SEMA3D: variants seen among roughly 807,000 people sequenced by gnomAD.
SEMA3D encodes semaphorin 3D, also known as semaphorin-3D.
A neutral mutation model predicts 100.1 loss-of-function variants in SEMA3D; 84 were observed. The ratio of observed to expected loss-of-function variants is 0.84; its 90% CI spans 0.70 to 1.01. SEMA3D has a LOEUF of 1.01. Among genes scored for constraint, SEMA3D ranks in the 50% least tolerant of loss-of-function variants. The probability of loss-of-function intolerance (pLI) is 0.00; values close to 1 mark genes in which losing one functional copy is unlikely to be tolerated. For synonymous variants in SEMA3D, 312 were observed against 320.7 expected (o/e 0.97, Z 0.29); for missense variants, 875 against 934.1 (o/e 0.94, Z 0.82).
Position 85,065,537 on chromosome 7 carries a change from G to C in SEMA3D, c.605C>G (p.Ser202Cys), listed in dbSNP as rs1331193545. Residue 202 changes from serine to cysteine, a missense_variant, in exon 8 of 19, where the codon TCT becomes TGT. Ser to Cys is a moderately radical substitution (Grantham distance 112, BLOSUM62 -1). Transcript: ENST00000284136. ...ASVMTDEYLY[S>C]GTASDFLGKD... Reference sequence around the variant, plus strand: ...GCCAAGGAAATCAGAAGCTGTTCCAGAGTAGAGGTACTCATCTGAGAGGGA... The same window carrying C: ...GCCAAGGAAATCAGAAGCTGTTCCACAGTAGAGGTACTCATCTGAGAGGGA... 2 of 1,613,074 alleles carry C rather than the reference G, an allele frequency of 1.2e-6. No individual in the cohort carries two copies.
At chr7:85,088,931 T>C (rs1313292378) in intron 4 of SEMA3D, among the ~76,000 whole-genome samples, 1 of 152,210 alleles carries the variant, frequency 6.6e-6, no homozygotes, top group East Asian at 1.9e-4. Context: ...GCTTGCATTT[T>C]AGCTTTCTTC....
chr7:85,205,728 C>T, the SEMA3D span, among the ~76,000 whole-genome samples: 1 of 152,124 alleles, frequency 6.6e-6, no homozygotes, highest in African/African-American at 2.4e-5. Flanking sequence ...GTGATGTCTT[C>T]AGCTTCTTCT....
chr7:85,160,070 T>A (rs1182649074), intron 1 of SEMA3D: 2 of 926,406 alleles, frequency 2.2e-6, no homozygotes, highest in East Asian at 1.2e-4. Flanking sequence ...ACAGTAATAC[T>A]GAAAATAATA....
chr7:85,026,717 G>A (rs1030221309), intron 12 of SEMA3D, among the ~76,000 whole-genome samples: 6 of 152,062 alleles, frequency 3.9e-5, no homozygotes, highest in Admixed American at 3.9e-4. Flanking sequence ...AATGGGATCA[G>A]CATAGTTTAC....
chr7:85,055,324 G>T (rs911846573), intron 9 of SEMA3D, among the ~76,000 whole-genome samples: 1 of 151,742 alleles, frequency 6.6e-6, no homozygotes, highest in Non-Finnish European at 1.5e-5. Flanking sequence ...TAAGCTCCAG[G>T]GATCAGGACA....
At chr7:85,206,598 C>T in the SEMA3D span, among the ~76,000 whole-genome samples, 1 of 152,120 alleles carries the variant, frequency 6.6e-6, no homozygotes, top group Non-Finnish European at 1.5e-5. Flanking sequence ...TTTAAAATTT[C>T]AACCAGTTAC....
At chr7:85,132,880 T>C (rs917661097) in intron 2 of SEMA3D, among the ~76,000 whole-genome samples, 6 of 152,092 alleles carry the variant, frequency 3.9e-5, no homozygotes, top group South Asian at 2.1e-4. Context: ...GCTTCTATCA[T>C]TAATGCTGAA....
intron 17 of SEMA3D, among the ~76,000 whole-genome samples, chr7:85,008,533 A>C (rs977776197): frequency 1.3e-5 from 2 of 151,842 alleles, no homozygotes; most frequent in African/African-American, 4.8e-5. Context: ...ACATACACAC[A>C]CACATACACA....
chr7:85,072,155 G>C (rs917278772), intron 6 of SEMA3D, among the ~76,000 whole-genome samples: 1 of 152,112 alleles, frequency 6.6e-6, no homozygotes, highest in Non-Finnish European at 1.5e-5. Flanking sequence ...ATAACACAAG[G>C]ACAGTAAACT....
chr7:85,185,423 C>T (rs1446951536), intron 1 of SEMA3D, among the ~76,000 whole-genome samples: 1 of 152,160 alleles, frequency 6.6e-6, no homozygotes, highest in Admixed American at 6.5e-5. Context: ...GGTCTTCTCC[C>T]CTCTTCTTTT....
intron 4 of SEMA3D, among the ~76,000 whole-genome samples, chr7:85,092,863 G>C (rs1788438033): frequency 6.6e-6 from 1 of 151,962 alleles, no homozygotes; most frequent in South Asian, 2.1e-4. Context: ...GAAAACTTTT[G>C]CAGAGGCAAA....
chr7:85,170,661 T>C (rs1562843708), intron 1 of SEMA3D, among the ~76,000 whole-genome samples: 2 of 151,996 alleles, frequency 1.3e-5, no homozygotes, highest in Admixed American at 6.6e-5. Flanking sequence ...ACCATTGCAA[T>C]AGTCTAGCCC....
intron 7 of SEMA3D, among the ~76,000 whole-genome samples, chr7:85,066,460 A>G (rs1161601870): frequency 6.6e-6 from 1 of 151,270 alleles, no homozygotes; most frequent in Non-Finnish European, 1.5e-5. Context: ...AGGGAAGGAG[A>G]AGAAGGCAGC....
rs75835536 is a variant in SEMA3D at position 85,142,294 on chromosome 7, T to C, written c.-41+11314A>G. On this transcript the variant is annotated intron_variant, in intron 2 of 18. Transcript: ENST00000284136. ...ATCTAGTAAAACACTGAGAAAGTAC[T>C]TAGTTTTATCTACACCCTCAGTGTC... is the stretch of plus-strand genomic sequence containing the variant. 2.4e-4 allele frequency: 232 copies of C among 980,050 alleles called. No homozygotes were observed. The African/African-American group carries it at 3.4e-3, about 15-fold the overall frequency. 60.7% of individuals were successfully genotyped at this position (980,050 alleles called of 1,614,324 possible). A position where few individuals can be genotyped will look rare whatever the true frequency, so the allele number is the denominator to read the frequency against.
At chr7:85,173,039 G>A (rs1246986482) in intron 1 of SEMA3D, among the ~76,000 whole-genome samples, 2 of 152,042 alleles carry the variant, frequency 1.3e-5, no homozygotes, top group African/African-American at 4.8e-5. Flanking sequence ...CACAGTGGAA[G>A]TAAACTGTGG....
At chr7:85,014,032 A>G (rs1384228738) in intron 16 of SEMA3D, among the ~76,000 whole-genome samples, 1 of 151,790 alleles carries the variant, frequency 6.6e-6, no homozygotes, top group Non-Finnish European at 1.5e-5. Flanking sequence ...ATATGTACCC[A>G]TTTCAATTTA....
At chr7:85,243,558 C>T in the SEMA3D span, among the ~76,000 whole-genome samples, 1 of 152,088 alleles carries the variant, frequency 6.6e-6, no homozygotes, top group Non-Finnish European at 1.5e-5. Flanking sequence ...ATTTCTCTGA[C>T]AAATTTAAAA....
intron 12 of SEMA3D, among the ~76,000 whole-genome samples, chr7:85,032,794 A>G (rs1243047630): frequency 2.6e-5 from 4 of 152,100 alleles, no homozygotes; most frequent in African/African-American, 9.7e-5. Context: ...TTTTGACAGT[A>G]ACTGGCATGT....
At chr7:85,177,312 G>A (rs890516456) in intron 1 of SEMA3D, among the ~76,000 whole-genome samples, 1 of 152,126 alleles carries the variant, frequency 6.6e-6, no homozygotes, top group African/African-American at 2.4e-5. Flanking sequence ...ATTTTGGGGG[G>A]AGGTAGAAGC....
Sources: gnomAD v4.1 joint callset for allele counts (sites outside exome capture counted in the v4.1 genomes callset) on GRCh38, gnomAD v4.1.1 for gene constraint, MANE v1.5 for transcripts, NCBI Gene and HGNC (gene_info 2026-07-23, HGNC 2026-07-21) for gene names.